Variants in HMGB2 observed in about 807,000 individuals in gnomAD.
The protein encoded by HMGB2 is high mobility group box 2.
In HMGB2, 2 loss-of-function variants were observed where a neutral mutation model predicts 23.0. The observed-to-expected ratio is 0.09, with a 90% CI of 0.04 to 0.27. The LOEUF is 0.27. HMGB2 is among the 10% of genes least tolerant of loss of function. The pLI is 1.00. For missense variants in HMGB2, 178 were observed against 256.5 expected (o/e 0.69, Z 2.09); for synonymous variants, 99 against 87.5 (o/e 1.13, Z -0.73).
chr4:173,333,117 C>A lies in HMGB2; in HGVS notation c.248G>T (p.Gly83Val). The A allele has an allele frequency of 6.2e-7, 1 of 1,614,082 alleles. No individual in the cohort carries two copies. The highest frequency in any genetic ancestry group is 8.5e-7 in the Non-Finnish European group (1 of 1,179,984). ...REMKNYVPPK[G>V]DKKGKKKDPN... ...GTCCTTTTTCTTCCCCTTCTTATCA[C>A]CTTTGGGAGGAACGTAATTTTTCAT... Residue 83 changes from glycine (G) to valine (V), a missense_variant, in exon 3 of 5, where the codon GGT becomes GTT. By Grantham distance (109) the Gly-to-Val change is moderately radical. This residue lies in a region of HMGB2 where 90 missense variants were observed against 114.4 expected (regional missense o/e 0.79). Transcript: ENST00000296503. The surrounding 1 kb of genome is among the most constrained non-coding windows in gnomAD (Gnocchi z 4.6).
Position 173,333,776 on chromosome 4 carries a change from G to T in HMGB2, c.-20-107C>A. 1.3e-6 allele frequency: 1 copy of T among 779,372 alleles called. No individual in the cohort carries two copies. Among genetic ancestry groups the T allele is most frequent in the Non-Finnish European group, 1.8e-6 (1 of 555,582 alleles). 48.3% of individuals were successfully genotyped at this position (779,372 alleles called of 1,614,324 possible). A position where few individuals can be genotyped will look rare whatever the true frequency, so the allele number is the denominator to read the frequency against. ...CCGCTTCCCGCCCAAATCCGCTCCCGCCCTGCCCGCGCCCCCCTCCTCCCG... is the reference window on the plus strand; with the variant it reads ...CCGCTTCCCGCCCAAATCCGCTCCCTCCCTGCCCGCGCCCCCCTCCTCCCG... On this transcript the variant is annotated intron_variant, in intron 1 of 4. Transcript: ENST00000296503. This position sits in a 1 kb window ranked among gnomAD's most constrained non-coding sequence, Gnocchi z 4.6.
chr4:173,332,620 G>A, intron 4 of HMGB2: 1 of 572,722 alleles, frequency 1.7e-6, no homozygotes, highest in Middle Eastern at 4.7e-4. Flanking sequence ...CTGTCTGCAG[G>A]AATATACTAG....
rs33987506 is a variant in HMGB2 at position 173,331,394 on chromosome 4, A to ATATATATATATATATATGTG, written c.*685_*686insCACATATATATATATATATA. ...TATATACATATATATATATATATATATGTATATATATATACACACACCTGA... is the reference window on the plus strand; with the variant it reads ...TATATACATATATATATATATATATATATATATATATATATATGTGTGTATATATATATACACACACCTGA... On this transcript the variant is annotated 3_prime_UTR_variant, in exon 5 of 5. Transcript: ENST00000296503. Among the ~76,000 whole-genome samples the ATATATATATATATATATGTG allele has an allele frequency of 7.2e-6, 1 of 138,878 alleles. No homozygotes were observed. Among genetic ancestry groups the ATATATATATATATATATGTG allele is most frequent in the African/African-American group, 2.9e-5 (1 of 34,352 alleles). The allele number at this position is 138,878 out of a possible 152,430, so 91.1% of individuals were successfully genotyped here.
In HMGB2 at chr4:173,333,749, C is replaced by A; in HGVS notation, c.-20-80G>T. On this transcript the variant is annotated intron_variant, in intron 1 of 4. Coordinates refer to ENST00000296503, the MANE Select transcript of HMGB2 (RefSeq NM_002129.4). This position sits in a 1 kb window ranked among gnomAD's most constrained non-coding sequence, Gnocchi z 4.6. The stretch of plus-strand genomic sequence containing the variant: ...GCTGCCAGGGCGGGCGCTGGCGGGG[C>A]TCCGCTTCCCGCCCAAATCCGCTCC... The A allele has an allele frequency of 8.6e-7, 1 of 1,157,700 alleles. No individual in the cohort carries two copies. Among genetic ancestry groups the A allele is most frequent in the Non-Finnish European group, 1.2e-6 (1 of 843,750 alleles). The allele number at this position is 1,157,700 out of a possible 1,614,324, so 71.7% of individuals were successfully genotyped here.
In HMGB2 at chr4:173,333,500, C is replaced by T; in HGVS notation, c.150G>A (p.Lys50=). The change falls in exon 2 of 5, where the codon AAG becomes AAA. Residue 50 remains lysine (K), a splice_region_variant and synonymous_variant. Coordinates refer to ENST00000296503, the MANE Select transcript of HMGB2 (RefSeq NM_002129.4). The surrounding 1 kb of genome is among the most constrained non-coding windows in gnomAD (Gnocchi z 4.6). ...EFSKKCSERW[K]TMSAKEKSKF... The stretch of plus-strand genomic sequence containing the variant: ...GAGCTCCGTCCCTCTCCTGCCTCAC[C>T]TTCCATCTCTCCGAACACTTCTTGG... The T allele has an allele frequency of 6.2e-7, 1 of 1,612,890 alleles. No homozygotes were observed.
Position 173,331,847 on chromosome 4 carries a change from G to A in HMGB2, c.*233C>T. 4.3e-6 allele frequency: 2 copies of A among 465,842 alleles called. No homozygotes were observed. The highest frequency in any genetic ancestry group is 3.6e-5 in the Admixed American group (1 of 28,002). The allele number at this position is 465,842 out of a possible 1,614,324, so 28.9% of individuals were successfully genotyped here. On this transcript the variant is annotated 3_prime_UTR_variant, in exon 5 of 5. Transcript: ENST00000296503. ...ATTAAAAAAACCATTAAATATTTAG[G>A]AACATTCAACATCAGAAGCTGTAAA...
In HMGB2 at chr4:173,331,567, A is replaced by C. The variant is rs528825286; in HGVS notation, c.*513T>G. 3 of 151,868 alleles carry C rather than the reference A, an allele frequency of 2.0e-5. No individual in the cohort carries two copies. The highest frequency in any genetic ancestry group is 4.1e-4 in the South Asian group (2 of 4,824). The allele number at this position is 151,868 out of a possible 1,614,324, so 9.4% of individuals were successfully genotyped here. On this transcript the variant is annotated 3_prime_UTR_variant, in exon 5 of 5. Coordinates refer to ENST00000296503, the MANE Select transcript of HMGB2 (RefSeq NM_002129.4). ...TGAGCATGTTTGGTTTTAATTCTCA[A>C]ACATTTTACTAGGTCAACTGTGTCT...
At chr4:173,332,553 T>C (rs1239449953) in intron 4 of HMGB2, 1 of 381,984 alleles carries the variant, frequency 2.6e-6, no homozygotes, top group Non-Finnish European at 4.7e-6. Flanking sequence ...ACTCTCTGCT[T>C]AAAAAAAAAA....
At position 173,333,695 on chromosome 4, in the gene HMGB2, G is replaced by A; in HGVS notation, c.-20-26C>T. ...CTGACGGGGCCGAGGGGGGAGAGGGGAAGCCGGAGGGTCGGCGCGGAGCCC... is the reference window on the plus strand; with the variant it reads ...CTGACGGGGCCGAGGGGGGAGAGGGAAAGCCGGAGGGTCGGCGCGGAGCCC... On this transcript the variant is annotated intron_variant, in intron 1 of 4. Transcript: ENST00000296503. This position sits in a 1 kb window ranked among gnomAD's most constrained non-coding sequence, Gnocchi z 4.6. The A allele has an allele frequency of 1.3e-6, 2 of 1,540,590 alleles. No homozygotes were observed. The highest frequency in any genetic ancestry group is 1.8e-6 in the Non-Finnish European group (2 of 1,136,882).
chr4:173,332,980 C>G lies in HMGB2; in HGVS notation c.312G>C (p.Leu104=), dbSNP rs753455837. Residue 104 remains leucine, a synonymous_variant, in exon 4 of 5, where the codon CTG becomes CTC. Coordinates refer to ENST00000296503, the MANE Select transcript of HMGB2 (RefSeq NM_002129.4). ...TCTTTGGGCGATGTTCAGAGCAAAACAGGAAGAAGGCAGATCTGAAAGGAA... is the reference window on the plus strand; with the variant it reads ...TCTTTGGGCGATGTTCAGAGCAAAAGAGGAAGAAGGCAGATCTGAAAGGAA... ...APKRPPSAFF[L]FCSEHRPKIK... is the part of the protein sequence containing the mutation. 2 of 1,613,994 alleles carry G rather than the reference C, an allele frequency of 1.2e-6. No individual in the cohort carries two copies. Among genetic ancestry groups the G allele is most frequent in the Admixed American group, 3.3e-5 (2 of 59,990 alleles).
intron 1 of HMGB2, chr4:173,334,016 T>C (rs1304143748): frequency 1.3e-5 from 2 of 156,872 alleles, no homozygotes; most frequent in Non-Finnish European, 2.8e-5. Context: ...AGCTCCCACG[T>C]CGCGAGCCTC....
At position 173,333,733 on chromosome 4, in the gene HMGB2, G is replaced by A. The variant is rs896706479; in HGVS notation, c.-20-64C>T. The A allele has an allele frequency of 3.4e-5, 43 of 1,276,902 alleles. No homozygotes were observed. The highest frequency in any genetic ancestry group is 4.0e-5 in the Non-Finnish European group (38 of 941,644). 79.1% of individuals were successfully genotyped at this position (1,276,902 alleles called of 1,614,324 possible). A position where few individuals can be genotyped will look rare whatever the true frequency, so the allele number is the denominator to read the frequency against. ...CGGCGCGGAGCCCGCAGCTGCCAGGGCGGGCGCTGGCGGGGCTCCGCTTCC... is the reference window on the plus strand; with the variant it reads ...CGGCGCGGAGCCCGCAGCTGCCAGGACGGGCGCTGGCGGGGCTCCGCTTCC... On this transcript the variant is annotated intron_variant, in intron 1 of 4. Transcript: ENST00000296503. The surrounding 1 kb of genome is among the most constrained non-coding windows in gnomAD (Gnocchi z 4.6).
In HMGB2 at chr4:173,333,793, CTCCTCCCGAGGGCG is replaced by C. The variant is rs1227353867; in HGVS notation, c.-20-138_-20-125del. 41 of 658,748 alleles carry C rather than the reference CTCCTCCCGAGGGCG, an allele frequency of 6.2e-5. No homozygotes were observed. Among genetic ancestry groups the C allele is most frequent in the Non-Finnish European group, 7.9e-5 (36 of 454,416 alleles). 40.8% of individuals were successfully genotyped at this position (658,748 alleles called of 1,614,324 possible). ...CCGCTCCCGCCCTGCCCGCGCCCCC[CTCCTCCCGAGGGCG>C]TCCTCCCAAGGGCGGCCGCCCGCGC... On this transcript the variant is annotated intron_variant, in intron 1 of 4. Transcript: ENST00000296503. This position sits in a 1 kb window ranked among gnomAD's most constrained non-coding sequence, Gnocchi z 4.6.
chr4:173,333,785 G>A lies in HMGB2; in HGVS notation c.-20-116C>T. 3 of 692,082 alleles carry A rather than the reference G, an allele frequency of 4.3e-6. No individual in the cohort carries two copies. Among genetic ancestry groups the A allele is most frequent in the Non-Finnish European group, 4.1e-6 (2 of 487,900 alleles). 42.9% of individuals were successfully genotyped at this position (692,082 alleles called of 1,614,324 possible). A position where few individuals can be genotyped will look rare whatever the true frequency, so the allele number is the denominator to read the frequency against. ...GCCCAAATCCGCTCCCGCCCTGCCCGCGCCCCCCTCCTCCCGAGGGCGTCC... is the reference window on the plus strand; with the variant it reads ...GCCCAAATCCGCTCCCGCCCTGCCCACGCCCCCCTCCTCCCGAGGGCGTCC... On this transcript the variant is annotated intron_variant, in intron 1 of 4. Transcript: ENST00000296503. This position sits in a 1 kb window ranked among gnomAD's most constrained non-coding sequence, Gnocchi z 4.6.
chr4:173,331,944 T>C lies in HMGB2; in HGVS notation c.*136A>G. The C allele has an allele frequency of 8.0e-7, 1 of 1,254,140 alleles. No homozygotes were observed. Among genetic ancestry groups the C allele is most frequent in the Non-Finnish European group, 1.1e-6 (1 of 914,274 alleles). The allele number at this position is 1,254,140 out of a possible 1,614,324, so 77.7% of individuals were successfully genotyped here. ...TTAAAAGTATTTTCTCTACAGAGAA[T>C]CTTATCAGCTATACAAAAATCTGTA... On this transcript the variant is annotated 3_prime_UTR_variant, in exon 5 of 5. Coordinates refer to ENST00000296503, the MANE Select transcript of HMGB2 (RefSeq NM_002129.4).
At position 173,333,147 on chromosome 4, in the gene HMGB2, C is replaced by T; in HGVS notation, c.218G>A (p.Arg73Lys). Residue 73 changes from arginine (R) to lysine (K), a missense_variant, in exon 3 of 5, where the codon AGG becomes AAG. Arg to Lys is a conservative substitution (Grantham distance 26). Coordinates refer to ENST00000296503, the MANE Select transcript of HMGB2 (RefSeq NM_002129.4). This position sits in a 1 kb window ranked among gnomAD's most constrained non-coding sequence, Gnocchi z 4.6. ...MAKSDKARYD[R>K]EMKNYVPPKG... ...GGGAGGAACGTAATTTTTCATCTCC[C>T]TGTCATAGCGAGCTTTGTCACTTTT... 6.2e-7 allele frequency: 1 copy of T among 1,614,096 alleles called. No homozygotes were observed. The highest frequency in any genetic ancestry group is 8.5e-7 in the Non-Finnish European group (1 of 1,179,988).
chr4:173,332,655 AAAGG>A (rs1738135456), intron 4 of HMGB2, 162 bp downstream of exon 4: 3 of 649,778 alleles, frequency 4.6e-6, no homozygotes, highest in Non-Finnish European at 5.4e-6. Flanking sequence ...GTTTCAGTCA[AAAGG>A]AAGGTTTCAA....
rs1462914526 is a variant in HMGB2 at position 173,333,466 on chromosome 4, G to A, written c.150+34C>T. ...GCCCTCCTAGCCGAAAACCACACCT[G>A]CACCCCCTGAGCTCCGTCCCTCTCC... is the stretch of plus-strand genomic sequence containing the variant. On this transcript the variant is annotated intron_variant, in intron 2 of 4. Coordinates refer to ENST00000296503, the MANE Select transcript of HMGB2 (RefSeq NM_002129.4). This position sits in a 1 kb window ranked among gnomAD's most constrained non-coding sequence, Gnocchi z 4.6. 1.9e-6 allele frequency: 3 copies of A among 1,597,636 alleles called. No homozygotes were observed. Among genetic ancestry groups the A allele is most frequent in the African/African-American group, 2.7e-5 (2 of 74,820 alleles).
chr4:173,332,719 G>A (rs1192269977), intron 4 of HMGB2, 102 bp downstream of exon 4: 4 of 1,044,514 alleles, frequency 3.8e-6, no homozygotes, highest in Non-Finnish European at 4.3e-6. Context: ...TCAAAACATA[G>A]CTGACAACCA....
Sources: gnomAD v4.1 joint callset for allele counts (sites outside exome capture counted in the v4.1 genomes callset) on GRCh38, gnomAD v4.1.1 for gene constraint, gnomAD v4.1.1 regional missense constraint, Gnocchi (gnomAD v3.1) non-coding constraint, MANE v1.5 for transcripts, NCBI Gene and HGNC (gene_info 2026-07-23, HGNC 2026-07-21) for gene names.